The following ZC3H12B variants were observed in gnomAD, a reference collection of about 807,000 sequenced individuals.
The protein encoded by ZC3H12B is zinc finger CCCH-type containing 12B.
A neutral mutation model predicts 43.9 loss-of-function variants in ZC3H12B; 7 were observed. That is an observed-to-expected ratio of 0.16 (90% CI 0.09 to 0.30). ZC3H12B has a LOEUF of 0.30. ZC3H12B is among the 10% of genes least tolerant of loss of function. ZC3H12B has a pLI of 1.00. For synonymous variants in ZC3H12B, 222 were observed against 241.7 expected (o/e 0.92, Z 0.76); for missense variants, 475 against 670.2 (o/e 0.71, Z 3.22).
At chrX:65,451,542 A>C (rs1484809689) in intron 3 of ZC3H12B, among the ~76,000 whole-genome samples, 1 of 110,619 alleles carries the variant, frequency 9.0e-6, no homozygotes, top group Non-Finnish European at 1.9e-5. Flanking sequence ...AGGTATCACT[A>C]TGTTGCTCAG....
chrX:65,084,154 A>G, the ZC3H12B span, among the ~76,000 whole-genome samples: 1 of 112,356 alleles, frequency 8.9e-6, no homozygotes, highest in East Asian at 2.8e-4. Flanking sequence ...ATATGAAATT[A>G]TTACAAGAAA....
chrX:65,057,802 A>C, the ZC3H12B span, among the ~76,000 whole-genome samples: 1 of 111,079 alleles, frequency 9.0e-6, no homozygotes. Context: ...TTTTTTCTCT[A>C]AACTTCCCTT....
chrX:65,373,539 C>T lies in ZC3H12B; in HGVS notation n.295+4541C>T, dbSNP rs770009447. Among the ~76,000 whole-genome samples the T allele has an allele frequency of 3.1e-3, 339 of 110,136 alleles. 1 individual carries two copies. The highest frequency in any genetic ancestry group is 5.5e-3 in the Non-Finnish European group (288 of 52,785). ...GGATTAAGAAAATGTGGCACATATA[C>T]ACCATGGAATACTATGCAGCCATAA... On this transcript the variant is annotated intron_variant and non_coding_transcript_variant, in intron 2 of 5. Transcript: ENST00000617377.
chrX:65,195,706 G>A, the ZC3H12B span, among the ~76,000 whole-genome samples: 1 of 112,194 alleles, frequency 8.9e-6, no homozygotes, highest in Admixed American at 9.4e-5. Context: ...TCTGTTTGCA[G>A]GAGCCAGAAA....
the ZC3H12B span, among the ~76,000 whole-genome samples, chrX:65,183,657 G>C: frequency 8.9e-6 from 1 of 111,793 alleles, no homozygotes; most frequent in African/African-American, 3.2e-5. Flanking sequence ...ATCTTTTCCT[G>C]ATGGAAATAA....
upstream of ZC3H12B, among the ~76,000 whole-genome samples, chrX:65,361,908 C>A (rs1229745435): frequency 8.9e-6 from 1 of 112,373 alleles, no homozygotes; most frequent in Admixed American, 9.4e-5. Flanking sequence ...CCAGCCACAT[C>A]TCCAGCACAC....
chrX:65,424,706 C>G (rs1385662698), intron 3 of ZC3H12B, among the ~76,000 whole-genome samples: 1 of 111,766 alleles, frequency 8.9e-6, no homozygotes, highest in African/African-American at 3.3e-5. Context: ...TCTCCCAGAA[C>G]AATTTTTTGT....
At chrX:65,101,476 AAAAT>A in the ZC3H12B span, among the ~76,000 whole-genome samples, 8 of 111,868 alleles carry the variant, frequency 7.2e-5, no homozygotes, top group African/African-American at 6.5e-5. Context: ...AAAGATTAAC[AAAAT>A]AAATAAACCA....
chrX:65,356,051 A>AT, the ZC3H12B span, among the ~76,000 whole-genome samples: 1 of 112,019 alleles, frequency 8.9e-6, no homozygotes, highest in East Asian at 2.8e-4. Context: ...TCTAAAACAA[A>AT]TTTTTTCTCC....
At chrX:65,226,593 G>A in the ZC3H12B span, among the ~76,000 whole-genome samples, 1 of 111,233 alleles carries the variant, frequency 9.0e-6, no homozygotes, top group Non-Finnish European at 1.9e-5. Context: ...TGGCAAATTG[G>A]ATAAAGAGTC....
intron 2 of ZC3H12B, among the ~76,000 whole-genome samples, chrX:65,372,772 C>G (rs759593010): frequency 2.7e-5 from 3 of 112,131 alleles, no homozygotes; most frequent in South Asian, 3.7e-4. Flanking sequence ...ACTAGATAAC[C>G]TGTATAAAAT....
At chrX:65,262,440 T>A in the ZC3H12B span, among the ~76,000 whole-genome samples, 1 of 111,146 alleles carries the variant, frequency 9.0e-6, no homozygotes, top group Non-Finnish European at 1.9e-5. Context: ...TGGTTCTCTA[T>A]TTTCTGAGCC....
the ZC3H12B span, among the ~76,000 whole-genome samples, chrX:65,299,018 T>A: frequency 9.0e-6 from 1 of 111,710 alleles, no homozygotes; most frequent in South Asian, 3.8e-4. Flanking sequence ...GGTCTCTCCC[T>A]TGACACGTGG....
At chrX:65,294,006 G>T in the ZC3H12B span, among the ~76,000 whole-genome samples, 5 of 111,239 alleles carry the variant, frequency 4.5e-5, no homozygotes, top group Admixed American at 4.8e-4. Context: ...CTCAAAGAAC[G>T]CCCAGGAAAT....
At chrX:65,435,659 T>TAGATAGATAGAC (rs1379600538) in intron 3 of ZC3H12B, among the ~76,000 whole-genome samples, 4 of 107,563 alleles carry the variant, frequency 3.7e-5, no homozygotes, top group African/African-American at 1.4e-4. Context: ...GATAGATAGA[T>TAGATAGATAGAC]AGATAGATAG....
intron 3 of ZC3H12B, among the ~76,000 whole-genome samples, chrX:65,403,975 A>G (rs2066793419): frequency 8.9e-6 from 1 of 112,416 alleles, no homozygotes; most frequent in South Asian, 3.6e-4. Context: ...ATCAACTAAA[A>G]TGCTAGCTAG....
the ZC3H12B span, among the ~76,000 whole-genome samples, chrX:65,191,617 T>C: frequency 2.1e-5 from 2 of 97,367 alleles, no homozygotes; most frequent in East Asian, 6.1e-4. Flanking sequence ...CTGATGGTAG[T>C]TTGTATTTCT....
intron 2 of ZC3H12B, among the ~76,000 whole-genome samples, chrX:65,388,822 T>C (rs1439669278): frequency 2.7e-5 from 3 of 111,927 alleles, no homozygotes; most frequent in Non-Finnish European, 5.6e-5. Context: ...GGGGTTTTGG[T>C]GTGGATGTCC....
chrX:65,312,775 T>A, the ZC3H12B span, among the ~76,000 whole-genome samples: 2 of 112,184 alleles, frequency 1.8e-5, no homozygotes, highest in Admixed American at 1.9e-4. Context: ...AGCAGCTCTC[T>A]GGGACATCTA....
Sources: gnomAD v4.1 joint callset for allele counts (sites outside exome capture counted in the v4.1 genomes callset) on GRCh38, gnomAD v4.1.1 for gene constraint, MANE v1.5 for transcripts, NCBI Gene and HGNC (gene_info 2026-07-23, HGNC 2026-07-21) for gene names.